SCHIP1: variants seen among roughly 807,000 people sequenced by gnomAD.
SCHIP1 encodes the protein schwannomin interacting protein 1.
A neutral mutation model predicts 29.7 loss-of-function variants in SCHIP1; 8 were observed. The observed-to-expected ratio is 0.27, with a 90% CI of 0.16 to 0.49. SCHIP1 has a LOEUF of 0.49. Ranked by LOEUF, SCHIP1 falls within the 20% of genes least tolerant of loss-of-function variation. The pLI is 0.99. For synonymous variants in SCHIP1, 76 were observed against 94.9 expected, an observed-to-expected ratio of 0.80 and a Z score of 1.16; for missense variants, 193 against 294.6, an observed-to-expected ratio of 0.66 and a Z score of 2.52.
the SCHIP1 span, among the ~76,000 whole-genome samples, chr3:159,505,635 C>T: frequency 5.3e-5 from 8 of 151,100 alleles, no homozygotes; most frequent in African/African-American, 1.9e-4. Context: ...ACCCACCCTA[C>T]AACAGGCCCT....
At chr3:159,714,484 C>G in the SCHIP1 span, among the ~76,000 whole-genome samples, 494 of 152,320 alleles carry the variant, frequency 3.2e-3, 1 homozygote, top group Middle Eastern at 0.027. Context: ...TCGGGGAATT[C>G]CCTTTCGTAG....
At chr3:159,300,153 ACT>A in the SCHIP1 span, among the ~76,000 whole-genome samples, 1 of 83,626 alleles carries the variant, frequency 1.2e-5, no homozygotes, top group Non-Finnish European at 2.4e-5. Flanking sequence ...ATAGGGTCTC[ACT>A]CTGTCACCCA....
chr3:159,631,653 G>C, the SCHIP1 span, among the ~76,000 whole-genome samples: 8 of 152,114 alleles, frequency 5.3e-5, no homozygotes, highest in Non-Finnish European at 1.2e-4. Context: ...TAGAATAGAG[G>C]TTACCAGGGG....
chr3:159,658,526 C>T, the SCHIP1 span, among the ~76,000 whole-genome samples: 1 of 152,166 alleles, frequency 6.6e-6, no homozygotes, highest in East Asian at 1.9e-4. Context: ...ATTCCCAATG[C>T]CCCTGCTGGA....
chr3:159,764,676 G>A, the SCHIP1 span: 2 of 1,589,594 alleles, frequency 1.3e-6, no homozygotes, highest in African/African-American at 1.3e-5. This position sits in a 1 kb window ranked among gnomAD's most constrained non-coding sequence, Gnocchi z 6.1. Flanking sequence ...AGGACGGGGA[G>A]GAGGAGGAAG....
chr3:159,663,229 G>A, the SCHIP1 span, among the ~76,000 whole-genome samples: 1 of 152,110 alleles, frequency 6.6e-6, no homozygotes, highest in Non-Finnish European at 1.5e-5. Context: ...GAATGTCCTT[G>A]AGGCCATTCA....
the SCHIP1 span, among the ~76,000 whole-genome samples, chr3:159,652,553 C>T: frequency 6.6e-6 from 1 of 151,986 alleles, no homozygotes; most frequent in Non-Finnish European, 1.5e-5. Flanking sequence ...GGGAGACAAA[C>T]AAGGAAGCGG....
chr3:159,779,924 G>T, the SCHIP1 span, among the ~76,000 whole-genome samples: 1 of 152,142 alleles, frequency 6.6e-6, no homozygotes, highest in African/African-American at 2.4e-5. Flanking sequence ...TGGAGGATGG[G>T]ACATATTGGA....
At chr3:159,572,762 G>C in the SCHIP1 span, among the ~76,000 whole-genome samples, 2 of 152,192 alleles carry the variant, frequency 1.3e-5, no homozygotes, top group South Asian at 4.2e-4. Context: ...CCTCTTTGTA[G>C]GTCTCTAAGG....
the SCHIP1 span, among the ~76,000 whole-genome samples, chr3:159,501,448 T>G: frequency 6.6e-6 from 1 of 152,204 alleles, no homozygotes; most frequent in Non-Finnish European, 1.5e-5. Context: ...AAGAACATGA[T>G]GGAGACTTGC....
intron 1 of SCHIP1, among the ~76,000 whole-genome samples, chr3:159,858,203 C>T (rs1713618528): frequency 1.3e-5 from 2 of 152,190 alleles, no homozygotes; most frequent in African/African-American, 4.8e-5. Context: ...AAAGTATTCT[C>T]TGGGAGGCAA....
chr3:159,392,262 C>T, the SCHIP1 span, among the ~76,000 whole-genome samples: 1 of 152,134 alleles, frequency 6.6e-6, no homozygotes. Context: ...TCTATGATTA[C>T]ATGTAAACAT....
the SCHIP1 span, among the ~76,000 whole-genome samples, chr3:159,300,831 CATT>C: frequency 6.6e-6 from 1 of 152,272 alleles, no homozygotes; most frequent in East Asian, 1.9e-4. Flanking sequence ...TTACACTTCT[CATT>C]GTCCTTATCA....
chr3:159,337,148 A>G, the SCHIP1 span, among the ~76,000 whole-genome samples: 254 of 151,264 alleles, frequency 1.7e-3, no homozygotes, highest in Non-Finnish European at 2.5e-3. Context: ...ATTCAACAAC[A>G]CTTCATACTA....
chr3:159,414,939 C>A, the SCHIP1 span, among the ~76,000 whole-genome samples: 2 of 152,210 alleles, frequency 1.3e-5, no homozygotes, highest in Non-Finnish European at 2.9e-5. Context: ...CTGCCACTCA[C>A]CTCCTGCTGT....
the SCHIP1 span, among the ~76,000 whole-genome samples, chr3:159,687,229 C>G: frequency 6.6e-6 from 1 of 152,116 alleles, no homozygotes; most frequent in Non-Finnish European, 1.5e-5. Context: ...ATCAGATCCA[C>G]AAACTTATCT....
the SCHIP1 span, among the ~76,000 whole-genome samples, chr3:159,450,265 A>T: frequency 6.6e-6 from 1 of 152,252 alleles, no homozygotes; most frequent in Admixed American, 6.5e-5. Context: ...CAATTAAGTG[A>T]TGCTATGAGG....
the SCHIP1 span, among the ~76,000 whole-genome samples, chr3:159,408,818 G>A: frequency 6.6e-6 from 1 of 152,114 alleles, no homozygotes; most frequent in African/African-American, 2.4e-5. Context: ...ACCAAAACCA[G>A]ACAAAGACAC....
chr3:159,582,082 A>T, the SCHIP1 span, among the ~76,000 whole-genome samples: 1 of 152,290 alleles, frequency 6.6e-6, no homozygotes, highest in East Asian at 1.9e-4. Flanking sequence ...GTGAAGTCAA[A>T]ATCCAGATAC....
Sources: gnomAD v4.1 joint callset for allele counts (sites outside exome capture counted in the v4.1 genomes callset) on GRCh38, gnomAD v4.1.1 for gene constraint, Gnocchi (gnomAD v3.1) non-coding constraint, MANE v1.5 for transcripts, NCBI Gene and HGNC (gene_info 2026-07-23, HGNC 2026-07-21) for gene names.